SLC24A3: variants seen among roughly 807,000 people sequenced by gnomAD.
SLC24A3 encodes the protein solute carrier family 24 member 3, also known as sodium/potassium/calcium exchanger 3.
A neutral mutation model predicts 75.8 loss-of-function variants in SLC24A3; 28 were observed. The observed-to-expected ratio is 0.37, with a 90% CI of 0.27 to 0.51. The LOEUF is 0.51. Among genes scored for constraint, SLC24A3 ranks in the 20% least tolerant of loss-of-function variants. The pLI, the probability that SLC24A3 is intolerant of heterozygous loss-of-function variation, is 0.94. For synonymous variants in SLC24A3, 372 were observed against 334.1 expected (o/e 1.11, Z -1.24); for missense variants, 663 against 847.8 (o/e 0.78, Z 2.71).
At chr20:19,705,591 G>A (rs574926767) in intron 15 of SLC24A3, among the ~76,000 whole-genome samples, 4 of 152,288 alleles carry the variant, frequency 2.6e-5, no homozygotes, top group South Asian at 4.1e-4. Flanking sequence ...CTTTCATGTA[G>A]CATGGTAGTG....
intron 6 of SLC24A3, among the ~76,000 whole-genome samples, chr20:19,633,103 A>G (rs1457895359): frequency 6.6e-6 from 1 of 152,222 alleles, no homozygotes; most frequent in African/African-American, 2.4e-5. Context: ...ACATCTGTAA[A>G]ATGGAGACAA....
intron 6 of SLC24A3, among the ~76,000 whole-genome samples, chr20:19,586,883 C>T (rs1309247029): frequency 6.6e-6 from 1 of 152,228 alleles, no homozygotes; most frequent in African/African-American, 2.4e-5. Flanking sequence ...CTCATCCTCT[C>T]AGTCAATGAG....
At chr20:19,216,974 C>T (rs1981576553) in intron 1 of SLC24A3, among the ~76,000 whole-genome samples, 1 of 152,204 alleles carries the variant, frequency 6.6e-6, no homozygotes, top group Admixed American at 6.5e-5. Context: ...TGCCTGGGGT[C>T]GATGTGGCTC....
chr20:19,628,327 C>A (rs2031892210), intron 6 of SLC24A3, among the ~76,000 whole-genome samples: 1 of 151,764 alleles, frequency 6.6e-6, no homozygotes, highest in Non-Finnish European at 1.5e-5. Context: ...GATGGTGGAA[C>A]AGGAAGCCCC....
intron 3 of SLC24A3, among the ~76,000 whole-genome samples, chr20:19,542,102 T>C (rs1712077602): frequency 6.6e-6 from 1 of 152,124 alleles, no homozygotes; most frequent in South Asian, 2.1e-4. Flanking sequence ...AGGGGAGAGA[T>C]AGCAGGTGGA....
intron 1 of SLC24A3, among the ~76,000 whole-genome samples, chr20:19,252,640 T>TGGC (rs1555783946): frequency 4.0e-5 from 4 of 99,520 alleles, no homozygotes; most frequent in Non-Finnish European, 5.9e-5. Context: ...GAAATTGGAA[T>TGGC]GGCGGGGGGG....
At chr20:19,665,092 C>T (rs756452164) in intron 7 of SLC24A3, among the ~76,000 whole-genome samples, 1 of 152,144 alleles carries the variant, frequency 6.6e-6, no homozygotes, top group Non-Finnish European at 1.5e-5. Flanking sequence ...TAAATCCTGC[C>T]GTGTATTCTC....
chr20:19,314,604 T>C (rs1384500165), intron 2 of SLC24A3, among the ~76,000 whole-genome samples: 1 of 152,222 alleles, frequency 6.6e-6, no homozygotes. Flanking sequence ...CGTGAGCTAC[T>C]GCGCCCTGCC....
At chr20:19,659,520 T>C (rs2032302936) in intron 7 of SLC24A3, among the ~76,000 whole-genome samples, 1 of 152,236 alleles carries the variant, frequency 6.6e-6, no homozygotes, top group Admixed American at 6.5e-5. Flanking sequence ...AATTTTAATT[T>C]TTAACAAGCA....
At chr20:19,678,016 G>C (rs921640023) in intron 9 of SLC24A3, among the ~76,000 whole-genome samples, 4 of 151,552 alleles carry the variant, frequency 2.6e-5, no homozygotes, top group Admixed American at 6.6e-5. Flanking sequence ...AGAGCACAGG[G>C]TTGGGGGGTA....
chr20:19,293,281 A>G (rs1196279421), intron 2 of SLC24A3, among the ~76,000 whole-genome samples: 2 of 152,188 alleles, frequency 1.3e-5, no homozygotes, highest in Non-Finnish European at 2.9e-5. Context: ...CCCCACTCTC[A>G]GCCATTTTTA....
At chr20:19,318,827 G>A (rs1390111846) in intron 2 of SLC24A3, among the ~76,000 whole-genome samples, 1 of 152,134 alleles carries the variant, frequency 6.6e-6, no homozygotes, top group East Asian at 1.9e-4. Flanking sequence ...TCACTTGCAG[G>A]GTTACAGCCT....
intron 2 of SLC24A3, among the ~76,000 whole-genome samples, chr20:19,492,993 T>A (rs141419856): frequency 6.7e-4 from 102 of 152,306 alleles, no homozygotes; most frequent in African/African-American, 2.3e-3. Flanking sequence ...TTTCCAATAA[T>A]GTTTTATATG....
rs1227334431 is a variant in SLC24A3 at position 19,654,130 on chromosome 20, C to T, written c.681C>T (p.Leu227=). 6 of 1,613,720 alleles carry T rather than the reference C, an allele frequency of 3.7e-6. No individual in the cohort carries two copies. The highest frequency in any genetic ancestry group is 2.2e-5 in the South Asian group (2 of 91,062). ...ACTACACGCTGTCTGTGATCGCGCTCATCGTGGTGAGTCACTCTGGCCATT... is the reference window on the plus strand; with the variant it reads ...ACTACACGCTGTCTGTGATCGCGCTTATCGTGGTGAGTCACTCTGGCCATT... ...SIYYTLSVIA[L]IVFIYDEKVS... Residue 227 remains leucine (L), a synonymous_variant, in exon 7 of 17, where the codon CTC becomes CTT. Transcript: ENST00000328041.
At position 19,292,947 on chromosome 20, in the gene SLC24A3, A is replaced by T. The variant is rs531817621; in HGVS notation, c.271+11860A>T. On this transcript the variant is annotated intron_variant, in intron 2 of 16. Coordinates refer to ENST00000328041, the MANE Select transcript of SLC24A3 (RefSeq NM_020689.4). ...AAGGGAGCCCTTTGGAGTCTCTTTT[A>T]TAGATTTAGTAATCCTATTCTTAAT... 8.5e-5 allele frequency among the ~76,000 whole-genome samples: 13 copies of T among 152,278 alleles called. 1 individual carries two copies. Among genetic ancestry groups the T allele is most frequent in the African/African-American group, 3.1e-4 (13 of 41,550 alleles).
intron 2 of SLC24A3, among the ~76,000 whole-genome samples, chr20:19,325,759 TAC>T (rs1234440840): frequency 0.078 from 7,231 of 92,522 alleles, 584 homozygotes; most frequent in Admixed American, 0.087. Flanking sequence ...TGTGTATACA[TAC>T]ATACATATAT....
chr20:19,258,488 G>A (rs766176048), intron 1 of SLC24A3, among the ~76,000 whole-genome samples: 2 of 152,180 alleles, frequency 1.3e-5, no homozygotes, highest in African/African-American at 2.4e-5. Context: ...GGCGGATCAC[G>A]AGGTCAGCAG....
At chr20:19,558,762 CT>C (rs1188171844) in intron 3 of SLC24A3, among the ~76,000 whole-genome samples, 1 of 152,062 alleles carries the variant, frequency 6.6e-6, no homozygotes, top group Non-Finnish European at 1.5e-5. Context: ...ATATATAATG[CT>C]TTTGAGATCC....
intron 1 of SLC24A3, among the ~76,000 whole-genome samples, chr20:19,240,001 G>A (rs899456337): frequency 6.6e-6 from 1 of 152,188 alleles, no homozygotes; most frequent in African/African-American, 2.4e-5. Flanking sequence ...CCAACCCCAA[G>A]GGCCTAACAG....
Sources: gnomAD v4.1 joint callset for allele counts (sites outside exome capture counted in the v4.1 genomes callset) on GRCh38, gnomAD v4.1.1 for gene constraint, MANE v1.5 for transcripts, NCBI Gene and HGNC (gene_info 2026-07-23, HGNC 2026-07-21) for gene names.